The following TBC1D16 variants were observed in gnomAD, a reference collection of about 807,000 sequenced individuals.
TBC1D16 encodes CTD-2529O21.1.
Under a neutral mutation model 74.7 loss-of-function variants are expected in TBC1D16, and 58 were observed. The ratio of observed to expected loss-of-function variants is 0.78; its 90% CI spans 0.63 to 0.97. The LOEUF is 0.97. TBC1D16 is among the 50% of genes least tolerant of loss of function. TBC1D16 has a pLI of 0.00. For missense variants in TBC1D16, 1,014 were observed against 1,079.5 expected (o/e 0.94, Z 0.85); for synonymous variants, 493 against 474.7 (o/e 1.04, Z -0.50).
At chr17:79,973,674 C>T (rs2034208922) in intron 3 of TBC1D16, among the ~76,000 whole-genome samples, 3 of 151,316 alleles carry the variant, frequency 2.0e-5, no homozygotes, top group Non-Finnish European at 4.4e-5. Flanking sequence ...CACGCCACTG[C>T]ACTCCAGCCC....
intron 1 of TBC1D16, among the ~76,000 whole-genome samples, chr17:80,017,044 C>T (rs1478195640): frequency 6.6e-6 from 1 of 152,112 alleles, no homozygotes; most frequent in African/African-American, 2.4e-5. Context: ...TGATCTCAAC[C>T]GTCTCCAGGG....
At chr17:79,953,314 C>T (rs771185146) in intron 3 of TBC1D16, among the ~76,000 whole-genome samples, 1 of 152,288 alleles carries the variant, frequency 6.6e-6, no homozygotes, top group South Asian at 2.1e-4. Flanking sequence ...CTGAAAAGTA[C>T]TGGTTCAGTT....
In TBC1D16 at chr17:80,035,236, C is replaced by CT. The variant is rs11363737; in HGVS notation, c.-63+558dup. On this transcript the variant is annotated intron_variant, in intron 1 of 11. Transcript: ENST00000310924. This position sits in a 1 kb window ranked among gnomAD's most constrained non-coding sequence, Gnocchi z 5.3. ...TTCCTTTCGTTCTTTCTTTCTTTTT[C>CT]TTTTTTTTTTTTTCCCAAAGGAAAG... Among the ~76,000 whole-genome samples the CT allele has an allele frequency of 5.4e-3, 772 of 143,030 alleles. 7 individuals are homozygous for CT. The highest frequency in any genetic ancestry group is 0.025 in the East Asian group (122 of 4,942). 93.8% of individuals were successfully genotyped at this position (143,030 alleles called of 152,430 possible). A position where few individuals can be genotyped will look rare whatever the true frequency, so the allele number is the denominator to read the frequency against.
intron 1 of TBC1D16, among the ~76,000 whole-genome samples, chr17:80,020,964 T>C (rs955998066): frequency 2.0e-5 from 3 of 150,030 alleles, no homozygotes; most frequent in Admixed American, 2.0e-4. Flanking sequence ...AAAACCAGCC[T>C]GGGCAGGGCC....
intron 3 of TBC1D16, among the ~76,000 whole-genome samples, chr17:79,984,551 A>AAAGG (rs2034735092): frequency 5.1e-5 from 2 of 39,388 alleles, no homozygotes; most frequent in African/African-American, 5.0e-4. Flanking sequence ...TTATAATTAA[A>AAAGG]AAGAAAGAAA....
rs1198989556 is a variant in TBC1D16, at chr17:79,986,822, A to G, written c.779+23338T>C. ...CACCTCCGATCAGGTCCACGGGAAGATGGGGGTGAACGAGAAGCCTGAGGC... is the reference window on the plus strand; with the variant it reads ...CACCTCCGATCAGGTCCACGGGAAGGTGGGGGTGAACGAGAAGCCTGAGGC... On this transcript the variant is annotated intron_variant, in intron 3 of 11. Coordinates refer to ENST00000310924, the MANE Select transcript of TBC1D16 (RefSeq NM_019020.4). The surrounding 1 kb of genome is among the most constrained non-coding windows in gnomAD (Gnocchi z 6.0). 6.6e-6 allele frequency among the ~76,000 whole-genome samples: 1 copy of G among 152,132 alleles called. No homozygotes were observed. Among genetic ancestry groups the G allele is most frequent in the Non-Finnish European group, 1.5e-5 (1 of 68,012 alleles).
rs1408401824 is a variant in TBC1D16 at position 79,950,435 on chromosome 17, C to T, written c.1233G>A (p.Val411=). The T allele has an allele frequency of 3.7e-6, 6 of 1,612,042 alleles. 1 individual carries two copies. Among genetic ancestry groups the T allele is most frequent in the Middle Eastern group, 3.3e-4 (2 of 6,022 alleles). Residue 411 remains valine, a synonymous_variant, in exon 6 of 12, where the codon GTG becomes GTA. Transcript: ENST00000310924. This position sits in a 1 kb window ranked among gnomAD's most constrained non-coding sequence, Gnocchi z 4.6. ...CCTTCCGCAGCTTGTACTCCTCCTCCACCTGGCCCAGCTCATTCAGGTGGT... is the reference window on the plus strand; with the variant it reads ...CCTTCCGCAGCTTGTACTCCTCCTCTACCTGGCCCAGCTCATTCAGGTGGT... The part of the protein sequence containing the change: ...WLNHLNELGQ[V]EEEYKLRKAI...
In TBC1D16 at chr17:79,941,217, C is replaced by CG; in HGVS notation, c.2056-111dup. On this transcript the variant is annotated intron_variant, in intron 11 of 11. Coordinates refer to ENST00000310924, the MANE Select transcript of TBC1D16 (RefSeq NM_019020.4). This position sits in a 1 kb window ranked among gnomAD's most constrained non-coding sequence, Gnocchi z 4.3. ...ACAGCAGCAACAACGGCCTGCACCT[C>CG]GGGGGCTCACCGAGTCCTGGACTGA... 1 of 1,100,362 alleles carries CG rather than the reference C, an allele frequency of 9.1e-7. No homozygotes were observed. The highest frequency in any genetic ancestry group is 1.6e-5 in the South Asian group (1 of 61,366). The allele number at this position is 1,100,362 out of a possible 1,614,324, so 68.2% of individuals were successfully genotyped here. A position where few individuals can be genotyped will look rare whatever the true frequency, so the allele number is the denominator to read the frequency against.
At chr17:79,947,060 G>A (rs559722746) in intron 9 of TBC1D16, among the ~76,000 whole-genome samples, 50 of 152,330 alleles carry the variant, frequency 3.3e-4, no homozygotes, top group African/African-American at 1.2e-3. Context: ...GCCCTCCGGC[G>A]CTGCCTTACC....
intron 3 of TBC1D16, among the ~76,000 whole-genome samples, chr17:79,999,917 G>A (rs2035420715): frequency 6.6e-6 from 1 of 151,894 alleles, no homozygotes; most frequent in African/African-American, 2.4e-5. Flanking sequence ...TCTTTGCCGG[G>A]GCCCCAGCAA....
chr17:79,945,865 G>A (rs1432523391), intron 9 of TBC1D16, among the ~76,000 whole-genome samples: 1 of 152,264 alleles, frequency 6.6e-6, no homozygotes. Context: ...TCACAGCTGG[G>A]GGGATCCTGG....
intron 9 of TBC1D16, among the ~76,000 whole-genome samples, chr17:79,947,343 G>A (rs2032628956): frequency 1.3e-5 from 2 of 152,186 alleles, no homozygotes; most frequent in Admixed American, 1.3e-4. Flanking sequence ...GGGTGTGATG[G>A]TGCCACGTCT....
At chr17:80,016,510 A>G (rs1598431642) in intron 1 of TBC1D16, among the ~76,000 whole-genome samples, 1 of 148,140 alleles carries the variant, frequency 6.8e-6, no homozygotes, top group East Asian at 2.0e-4. Context: ...AACTTTCTGC[A>G]TTTTTTACAT....
rs1555852439 is a variant in TBC1D16, at chr17:79,936,910, G to GTT, written c.*3948_*3949insAA. On this transcript the variant is annotated 3_prime_UTR_variant, in exon 12 of 12. Transcript: ENST00000310924. ...TGCATGCGTGCGTGTGTGCATGTGCGTGTGTGTGTGTGTGTGTGTGTGTGT... is the reference window on the plus strand; with the variant it reads ...TGCATGCGTGCGTGTGTGCATGTGCGTTTGTGTGTGTGTGTGTGTGTGTGTGT... The GTT allele has an allele frequency of 7.4e-5, 1 of 13,602 alleles. No homozygotes were observed. Among genetic ancestry groups the GTT allele is most frequent in the Non-Finnish European group, 2.0e-4 (1 of 5,002 alleles). 0.8% of individuals were successfully genotyped at this position (13,602 alleles called of 1,614,324 possible). A position where few individuals can be genotyped will look rare whatever the true frequency, so the allele number is the denominator to read the frequency against.
rs1007011440 is a variant in TBC1D16 at position 79,987,716 on chromosome 17, G to A, written c.779+22444C>T. Among the ~76,000 whole-genome samples, 1 of 152,156 alleles carries A rather than the reference G, an allele frequency of 6.6e-6. No individual in the cohort carries two copies. Among genetic ancestry groups the A allele is most frequent in the East Asian group, 1.9e-4 (1 of 5,192 alleles). On this transcript the variant is annotated intron_variant, in intron 3 of 11. Coordinates refer to ENST00000310924, the MANE Select transcript of TBC1D16 (RefSeq NM_019020.4). This position sits in a 1 kb window ranked among gnomAD's most constrained non-coding sequence, Gnocchi z 5.2. The stretch of plus-strand genomic sequence containing the variant: ...CCTCCCTCTGCGGGCAGAACCCTGG[G>A]TGCTGCAGGGAGCTGGTTCTCAGGG...
chr17:80,016,461 A>G (rs1395025270), intron 1 of TBC1D16, among the ~76,000 whole-genome samples: 11 of 152,220 alleles, frequency 7.2e-5, no homozygotes, highest in African/African-American at 2.4e-4. Context: ...AAAATTATCT[A>G]TTAGTGGAGG....
At chr17:79,997,954 G>A (rs539705728) in intron 3 of TBC1D16, among the ~76,000 whole-genome samples, 15 of 152,100 alleles carry the variant, frequency 9.9e-5, no homozygotes, top group East Asian at 3.9e-4. Context: ...GTGAAACCCC[G>A]TCTCTACTGA....
chr17:79,982,147 T>C (rs2034612291), intron 3 of TBC1D16, among the ~76,000 whole-genome samples: 1 of 151,522 alleles, frequency 6.6e-6, no homozygotes, highest in African/African-American at 2.4e-5. Flanking sequence ...TGTGGTTTTT[T>C]TTTCTTTTTT....
intron 3 of TBC1D16, among the ~76,000 whole-genome samples, chr17:79,996,784 A>G (rs2035288274): frequency 6.6e-6 from 1 of 152,222 alleles, no homozygotes; most frequent in Non-Finnish European, 1.5e-5. Flanking sequence ...TGACTCGGCA[A>G]GTGCATTTGT....
Sources: gnomAD v4.1 joint callset for allele counts (sites outside exome capture counted in the v4.1 genomes callset) on GRCh38, gnomAD v4.1.1 for gene constraint, Gnocchi (gnomAD v3.1) non-coding constraint, MANE v1.5 for transcripts, NCBI Gene and HGNC (gene_info 2026-07-23, HGNC 2026-07-21) for gene names.